The following FAM117A variants were observed in gnomAD, a reference collection of about 807,000 sequenced individuals.
The protein encoded by FAM117A is family with sequence similarity 117 member A, also known as protein FAM117A.
A neutral mutation model predicts 44.1 loss-of-function variants in FAM117A; 21 were observed. The ratio of observed to expected loss-of-function variants is 0.48; its 90% confidence interval spans 0.34 to 0.69. The LOEUF is 0.69. Ranked by LOEUF, FAM117A falls within the 30% of genes least tolerant of loss-of-function variation. FAM117A has a pLI of 0.01. For missense variants in FAM117A, 498 were observed against 589.9 expected (o/e 0.84, Z 1.61); for synonymous variants, 220 against 238.3 (o/e 0.92, Z 0.71).
At chr17:49,756,219 T>A (rs1422942492) in intron 1 of FAM117A, among the ~76,000 whole-genome samples, 1 of 152,186 alleles carries the variant, frequency 6.6e-6, no homozygotes, top group Non-Finnish European at 1.5e-5. Flanking sequence ...TTTTCTCTAA[T>A]TAACCTCACC....
At chr17:49,714,166 C>T (rs1050800828) in intron 7 of FAM117A, among the ~76,000 whole-genome samples, 26 of 152,106 alleles carry the variant, frequency 1.7e-4, no homozygotes, top group Non-Finnish European at 3.7e-4. Flanking sequence ...CTGGAAAATC[C>T]AGATGATCTT....
At chr17:49,733,040 T>C (rs1316770045) in intron 1 of FAM117A, 3 of 294,438 alleles carry the variant, frequency 1.0e-5, no homozygotes, top group East Asian at 1.3e-4. Context: ...CCACACTGAG[T>C]TTCCTGAGAG....
chr17:49,757,848 T>C (rs923964337), intron 1 of FAM117A, among the ~76,000 whole-genome samples: 2 of 152,184 alleles, frequency 1.3e-5, no homozygotes, highest in Non-Finnish European at 2.9e-5. Context: ...CCACCCATCC[T>C]TTCTTTGCTT....
At chr17:49,788,460 A>C (rs1471139016) in intron 1 of FAM117A, 2 of 245,882 alleles carry the variant, frequency 8.1e-6, no homozygotes, top group African/African-American at 4.5e-5. Flanking sequence ...GCCCCAAACA[A>C]GAATGGCTAC....
chr17:49,788,426 G>T (rs367846571), intron 1 of FAM117A: 1 of 196,346 alleles, frequency 5.1e-6, no homozygotes, highest in African/African-American at 2.3e-5. Context: ...GATGAGAACC[G>T]TTTACATCAA....
At chr17:49,788,869 G>A, upstream of FAM117A, 2 of 1,580,472 alleles carry the variant, frequency 1.3e-6, no homozygotes, top group Non-Finnish European at 1.7e-6. Context: ...GGGAGAGGAG[G>A]GATGGCGGGT....
rs753366170 is a variant in FAM117A, at chr17:49,781,311, G to A, written c.-621+7186C>T. On this transcript the variant is annotated intron_variant, in intron 1 of 7. Coordinates refer to the FAM117A transcript ENST00000513602. The stretch of plus-strand genomic sequence containing the variant: ...GTATATCCTCAGTAGAAATAAAATC[G>A]AAAGCACATTTGGGGTGCCATTTTC... 2.6e-5 allele frequency among the ~76,000 whole-genome samples: 4 copies of A among 152,252 alleles called. No homozygotes were observed. In the South Asian group the frequency reaches 6.2e-4, roughly 24 times the overall value.
intron 1 of FAM117A, among the ~76,000 whole-genome samples, chr17:49,752,108 T>C (rs1312018920): frequency 6.6e-6 from 1 of 152,112 alleles, no homozygotes. Flanking sequence ...AAAAAAATTC[T>C]ATACAGAGTA....
intron 1 of FAM117A, among the ~76,000 whole-genome samples, chr17:49,753,305 T>C (rs1484168159): frequency 6.6e-6 from 1 of 152,244 alleles, no homozygotes; most frequent in Non-Finnish European, 1.5e-5. Context: ...ACGGACTTTT[T>C]CTGCATATGT....
intron 1 of FAM117A, among the ~76,000 whole-genome samples, chr17:49,760,809 A>G (rs2073719908): frequency 6.6e-6 from 1 of 152,230 alleles, no homozygotes; most frequent in Admixed American, 6.5e-5. Flanking sequence ...GCGGCCTCTA[A>G]CTGACATTAA....
intron 1 of FAM117A, among the ~76,000 whole-genome samples, chr17:49,786,908 ACT>A (rs1476776447): frequency 5.3e-5 from 8 of 151,278 alleles, no homozygotes; most frequent in South Asian, 2.1e-4. Context: ...GCATGGTGAA[ACT>A]CTGTCTCTAC....
At chr17:49,713,625 G>A (rs1180194099) in intron 7 of FAM117A, among the ~76,000 whole-genome samples, 1 of 151,838 alleles carries the variant, frequency 6.6e-6, no homozygotes, top group East Asian at 1.9e-4. Flanking sequence ...TCCCACCTAA[G>A]CCTCCTCAGT....
intron 1 of FAM117A, among the ~76,000 whole-genome samples, chr17:49,756,779 G>T (rs1213224425): frequency 6.6e-6 from 1 of 152,036 alleles, no homozygotes; most frequent in Non-Finnish European, 1.5e-5. Flanking sequence ...ATCTGGGCGT[G>T]GTGGCACACT....
chr17:49,758,643 AAAT>A (rs1476708629), intron 1 of FAM117A, among the ~76,000 whole-genome samples: 930 of 42,204 alleles, frequency 0.022, 10 homozygotes, highest in Admixed American at 0.047. Context: ...AAAATAAAAT[AAAT>A]AAATAAATAA....
chr17:49,788,789 T>TGCC, upstream of FAM117A: 1 of 1,563,894 alleles, frequency 6.4e-7, no homozygotes, highest in Non-Finnish European at 8.7e-7. Context: ...TTCCTGCTGC[T>TGCC]GCCGCCGCTG....
chr17:49,770,733 G>A (rs1390872714), intron 1 of FAM117A, among the ~76,000 whole-genome samples: 1 of 150,362 alleles, frequency 6.7e-6, no homozygotes, highest in East Asian at 2.0e-4. Context: ...GTGAAACCCT[G>A]TCTCTACAAA....
intron 2 of FAM117A, among the ~76,000 whole-genome samples, chr17:49,728,353 T>C (rs533843657): frequency 6.6e-6 from 1 of 151,354 alleles, no homozygotes; most frequent in Non-Finnish European, 1.5e-5. Flanking sequence ...CCAGTGAGCA[T>C]GCCCACCTTC....
rs960161772 is a variant in FAM117A at position 49,733,444 on chromosome 17, G to A, written c.197-724C>T. Among the ~76,000 whole-genome samples the A allele has an allele frequency of 2.0e-5, 3 of 151,616 alleles. No homozygotes were observed. In the East Asian group the frequency reaches 5.9e-4, roughly 30 times the overall value. On this transcript the variant is annotated intron_variant, in intron 1 of 7. Transcript: ENST00000240364. ...TTGTAATCCCAGCACTTTGGGAGGT[G>A]GGCAGATCACTTGAGGTCAGGAGTT...
Position 49,717,703 on chromosome 17 carries a change from G to A in FAM117A, c.720C>T (p.Ile240=). The A allele has an allele frequency of 1.2e-6, 2 of 1,606,690 alleles. No individual in the cohort carries two copies. The highest frequency in any genetic ancestry group is 1.7e-6 in the Non-Finnish European group (2 of 1,175,334). The change falls in exon 6 of 8, where the codon ATC becomes ATT. Residue 240 remains isoleucine (I), a synonymous_variant. Coordinates refer to ENST00000240364, the MANE Select transcript of FAM117A (RefSeq NM_030802.4). ...GAGCTGGGGCCCGGTGCCCATCAGG[G>A]ATATCAAGGATCTAACGGGGAAGGA... The part of the protein sequence containing the change: ...GEEELLRILD[I]PDGHRAPAPP...
Sources: allele counts gnomAD v4.1 joint callset (sites outside exome capture counted in the v4.1 genomes callset), GRCh38; gene constraint gnomAD v4.1.1; transcripts MANE v1.5; gene names NCBI Gene and HGNC (gene_info 2026-07-23, HGNC 2026-07-21).